The following EEA1 variants were observed in gnomAD, a reference collection of about 807,000 sequenced individuals.
The protein encoded by EEA1 is early endosome antigen 1, 162kD.
In EEA1, 111 loss-of-function variants were observed where a neutral mutation model predicts 209.2. That is an observed-to-expected ratio of 0.53 (90% CI 0.45 to 0.62). The LOEUF is 0.62. Among genes scored for constraint, EEA1 ranks in the 20% least tolerant of loss-of-function variants. EEA1 has a pLI of 0.00. For missense variants in EEA1, 1,343 were observed against 1,530.8 expected, an observed-to-expected ratio of 0.88 and a Z score of 2.05; for synonymous variants, 536 against 540.6, an observed-to-expected ratio of 0.99 and a Z score of 0.12.
chr12:92,858,355 A>T lies in EEA1; in HGVS notation c.246-870T>A. The stretch of plus-strand genomic sequence containing the variant: ...CGTGAAGCTATTAAACACATTGGAT[A>T]TGATGATTCTTCCAAAGGGTTTGAC... On this transcript the variant is annotated intron_variant, in intron 3 of 28. Coordinates refer to ENST00000322349, the MANE Select transcript of EEA1 (RefSeq NM_003566.4). The T allele has an allele frequency of 3.5e-6, 3 of 864,604 alleles. No individual in the cohort carries two copies. In the South Asian group the frequency reaches 4.1e-5, roughly 12 times the overall value. 53.6% of individuals were successfully genotyped at this position (864,604 alleles called of 1,614,324 possible). A position where few individuals can be genotyped will look rare whatever the true frequency, so the allele number is the denominator to read the frequency against.
chr12:92,880,393 C>T (rs745575520), intron 2 of EEA1, among the ~76,000 whole-genome samples: 2 of 152,202 alleles, frequency 1.3e-5, no homozygotes, highest in Admixed American at 1.3e-4. Context: ...CAGCCTCCAC[C>T]TCACAGGAGC....
chr12:92,924,282 A>G (rs1336532542), intron 1 of EEA1, among the ~76,000 whole-genome samples: 2 of 136,376 alleles, frequency 1.5e-5, no homozygotes, highest in African/African-American at 5.7e-5. Context: ...ATCTCGGCTC[A>G]CTGCAATCTC....
At chr12:92,806,575 A>G (rs948437775) in intron 18 of EEA1, among the ~76,000 whole-genome samples, 2 of 152,196 alleles carry the variant, frequency 1.3e-5, no homozygotes, top group African/African-American at 4.8e-5. Context: ...AATAATATCC[A>G]TCTCATACAA....
chr12:92,803,605 T>C (rs1565814604), intron 18 of EEA1, among the ~76,000 whole-genome samples: 1 of 152,098 alleles, frequency 6.6e-6, no homozygotes, highest in Non-Finnish European at 1.5e-5. Context: ...TGTTAAAAGA[T>C]GTACTAATAA....
intron 3 of EEA1, chr12:92,858,032 C>A (rs1178834003): frequency 5.4e-6 from 2 of 371,684 alleles, no homozygotes; most frequent in Non-Finnish European, 1.0e-5. Context: ...TGCCATCTTG[C>A]CGCTGCTCCT....
In EEA1 at chr12:92,852,266, C is replaced by G. The variant is rs1877663508; in HGVS notation, c.551G>C (p.Ser184Thr). The G allele has an allele frequency of 6.3e-7, 1 of 1,595,280 alleles. No individual in the cohort carries two copies. ...DIKSKYDEER[S>T]LREAAEQKVT... ...TTTTTGTTCAGCAGCTTCTCGAAGA[C>G]TCCTTTCTTCATCATACTTTGACTT... Residue 184 changes from serine (S) to threonine (T), a missense_variant, in exon 8 of 29, where the codon AGT (serine) becomes ACT (threonine). Physicochemically the swap from Ser to Thr is moderately conservative, Grantham distance 58. Coordinates refer to ENST00000322349, the MANE Select transcript of EEA1 (RefSeq NM_003566.4).
intron 11 of EEA1, 73 bp from the exon 12 acceptor site, chr12:92,828,134 A>C: frequency 8.3e-7 from 1 of 1,203,588 alleles, no homozygotes; most frequent in Non-Finnish European, 1.1e-6. Flanking sequence ...TTTCCAAACA[A>C]TGTTTTACTT....
chr12:92,872,723 C>T (rs1476116852), intron 2 of EEA1, among the ~76,000 whole-genome samples: 1 of 152,170 alleles, frequency 6.6e-6, no homozygotes, highest in African/African-American at 2.4e-5. Context: ...GAGGCCAAGG[C>T]AGGCAGATCA....
Position 92,829,695 on chromosome 12 carries a change from C to A in EEA1, c.1255-1634G>T, listed in dbSNP as rs573588015. ...TCAGGAGGCTGAGGCACGAGAATTG[C>A]TTGGACCCGGAAAATGGAGGTTGCA... On this transcript the variant is annotated intron_variant, in intron 11 of 28. Coordinates refer to ENST00000322349, the MANE Select transcript of EEA1 (RefSeq NM_003566.4). Among the ~76,000 whole-genome samples, 7 of 148,758 alleles carry A rather than the reference C, an allele frequency of 4.7e-5. No homozygotes were observed. The East Asian group carries it at 1.4e-3, about 30-fold the overall frequency.
chr12:92,843,690 T>A (rs1877271307), intron 9 of EEA1, among the ~76,000 whole-genome samples: 1 of 152,186 alleles, frequency 6.6e-6, no homozygotes, highest in Non-Finnish European at 1.5e-5. Flanking sequence ...ATATTGCTTA[T>A]CGGCTTTACT....
Position 92,780,364 on chromosome 12 carries a change from C to T in EEA1, c.3384G>A (p.Glu1128=), listed in dbSNP as rs1873853467. The change falls in exon 24 of 29, where the codon GAG becomes GAA. Residue 1128 remains glutamate, a synonymous_variant. Coordinates refer to ENST00000322349, the MANE Select transcript of EEA1 (RefSeq NM_003566.4). ...CTTGTCTACATTTAATTTCTTCTAT[C>T]TCTGCCAATTTAGACTTCTCATTTA... ...ELVNEKSKLA[E]IEEIKCRQEK... The T allele has an allele frequency of 1.3e-6, 2 of 1,589,564 alleles. No homozygotes were observed. Among genetic ancestry groups the T allele is most frequent in the Non-Finnish European group, 1.7e-6 (2 of 1,165,666 alleles).
intron 1 of EEA1, among the ~76,000 whole-genome samples, chr12:92,899,129 CAAAA>C (rs138666239): frequency 1.7e-4 from 23 of 137,518 alleles, no homozygotes; most frequent in East Asian, 4.2e-4. Flanking sequence ...TGGCCAAAGG[CAAAA>C]AAAAAAAAAA....
At chr12:92,815,172 A>T (rs996360264) in intron 15 of EEA1, among the ~76,000 whole-genome samples, 2 of 152,218 alleles carry the variant, frequency 1.3e-5, no homozygotes, top group Admixed American at 1.3e-4. Context: ...GGCAAAGAAG[A>T]AGTTACTGTC....
At chr12:92,834,484 G>T (rs1876818388) in intron 10 of EEA1, among the ~76,000 whole-genome samples, 5 of 139,908 alleles carry the variant, frequency 3.6e-5, no homozygotes. Flanking sequence ...GTTTAAGGCT[G>T]CAGTGAACTA....
rs1338918021 is a variant in EEA1, at chr12:92,802,526, C to T, written c.2548G>A (p.Ala850Thr). 1 of 1,597,268 alleles carries T rather than the reference C, an allele frequency of 6.3e-7. No homozygotes were observed. The highest frequency in any genetic ancestry group is 2.2e-5 in the East Asian group (1 of 44,486). The change falls in exon 19 of 29, where the codon GCT becomes ACT. Residue 850 changes from alanine (A) to threonine (T), a missense_variant. Physicochemically the swap from Ala to Thr is moderately conservative, Grantham distance 58 (BLOSUM62 0). Coordinates refer to ENST00000322349, the MANE Select transcript of EEA1 (RefSeq NM_003566.4). ...ACTGTAGAAAGCTCTGTCATTAAAG[C>T]TTCTTTCTCCATTTTCACTTTTTGT... ...ELQKVKMEKE[A>T]LMTELSTVKD...
At chr12:92,876,476 T>C (rs1209399966) in intron 2 of EEA1, among the ~76,000 whole-genome samples, 1 of 152,196 alleles carries the variant, frequency 6.6e-6, no homozygotes, top group African/African-American at 2.4e-5. Context: ...GGGAGCTCTT[T>C]AACCCATCCC....
At chr12:92,892,557 CT>C (rs55992557) in intron 1 of EEA1, among the ~76,000 whole-genome samples, 133,963 of 148,822 alleles carry the variant, frequency 0.9, 60,446 homozygotes, top group East Asian at 0.96. Context: ...TTTCTCTTTT[CT>C]TTTTTTTTTT....
intron 1 of EEA1, among the ~76,000 whole-genome samples, chr12:92,917,123 G>A (rs1880797088): frequency 7.0e-6 from 1 of 142,642 alleles, no homozygotes; most frequent in Admixed American, 7.0e-5. Flanking sequence ...TCTGATTGGT[G>A]TACCTGAAAG....
chr12:92,849,894 T>C (rs1233572343), intron 9 of EEA1, among the ~76,000 whole-genome samples: 1 of 152,178 alleles, frequency 6.6e-6, no homozygotes, highest in Non-Finnish European at 1.5e-5. Context: ...GAGGTCTACT[T>C]TACATAAGGG....
Sources: gnomAD v4.1 joint callset for allele counts (sites outside exome capture counted in the v4.1 genomes callset) on GRCh38, gnomAD v4.1.1 for gene constraint, MANE v1.5 for transcripts, NCBI Gene and HGNC (gene_info 2026-07-23, HGNC 2026-07-21) for gene names.